The following NRXN1 variants were observed in gnomAD, a reference collection of about 807,000 sequenced individuals.
NRXN1 encodes neurexin-1.
A neutral mutation model predicts 150.9 loss-of-function variants in NRXN1; 39 were observed. The ratio of observed to expected loss-of-function variants is 0.26; its 90% CI spans 0.20 to 0.34. The LOEUF is 0.34. NRXN1 is among the 10% of genes least tolerant of loss of function. The probability of loss-of-function intolerance (pLI) is 1.00; values close to 1 mark genes in which losing one functional copy is unlikely to be tolerated. For synonymous variants in NRXN1, 924 were observed against 757.0 expected (o/e 1.22, Z -3.62); for missense variants, 1,815 against 1,949.9 (o/e 0.93, Z 1.30).
At chr2:51,002,352 T>C (rs193259770) in intron 2 of NRXN1, among the ~76,000 whole-genome samples, 30 of 152,114 alleles carry the variant, frequency 2.0e-4, no homozygotes, top group Non-Finnish European at 1.5e-4. Flanking sequence ...AAATGTTGTG[T>C]TTCTAGGAAA....
chr2:50,802,009 C>G (rs1351620366), intron 5 of NRXN1, among the ~76,000 whole-genome samples: 1 of 151,998 alleles, frequency 6.6e-6, no homozygotes, highest in African/African-American at 2.4e-5. Context: ...AAAAATTGTC[C>G]TCTTTGAGAT....
At chr2:50,703,806 G>A (rs1229895077) in intron 5 of NRXN1, among the ~76,000 whole-genome samples, 1 of 152,108 alleles carries the variant, frequency 6.6e-6, no homozygotes, top group African/African-American at 2.4e-5. Flanking sequence ...AGACAATCCT[G>A]TGAGATTCAT....
intron 5 of NRXN1, among the ~76,000 whole-genome samples, chr2:50,844,140 TCGG>T (rs1447580580): frequency 1.3e-5 from 2 of 152,090 alleles, no homozygotes; most frequent in African/African-American, 4.8e-5. Flanking sequence ...TCTTGCAAGA[TCGG>T]GTGTCTGGTG....
intron 21 of NRXN1, among the ~76,000 whole-genome samples, chr2:50,041,856 G>T (rs1691023788): frequency 4.6e-5 from 7 of 152,068 alleles, no homozygotes; most frequent in Admixed American, 4.6e-4. Context: ...AAAATGATGA[G>T]ACTCTAGTAA....
chr2:50,268,253 G>A (rs1245382707), intron 17 of NRXN1, among the ~76,000 whole-genome samples: 1 of 152,132 alleles, frequency 6.6e-6, no homozygotes, highest in Non-Finnish European at 1.5e-5. Context: ...TTTGAAAGAA[G>A]AGTTGGGCTT....
intron 17 of NRXN1, among the ~76,000 whole-genome samples, chr2:50,413,514 C>T (rs1427767424): frequency 6.6e-6 from 1 of 152,046 alleles, no homozygotes; most frequent in Non-Finnish European, 1.5e-5. Context: ...TGGCTTATAA[C>T]CAAAAGACAG....
intron 2 of NRXN1, among the ~76,000 whole-genome samples, chr2:50,996,261 C>T (rs972164811): frequency 6.6e-6 from 1 of 152,002 alleles, no homozygotes; most frequent in Admixed American, 6.6e-5. Flanking sequence ...CAAAGGTGTA[C>T]GTATCATGCT....
chr2:50,636,042 C>CT (rs1683191784), intron 5 of NRXN1, among the ~76,000 whole-genome samples: 1 of 152,038 alleles, frequency 6.6e-6, no homozygotes, highest in African/African-American at 2.4e-5. Context: ...AAAAAATCAG[C>CT]TTTTTACCAA....
At chr2:50,275,501 GA>G (rs563078155) in intron 17 of NRXN1, among the ~76,000 whole-genome samples, 1,707 of 146,732 alleles carry the variant, frequency 0.012, 30 homozygotes, top group African/African-American at 0.038. Flanking sequence ...GTTTCAGACA[GA>G]AAAAAAAAAA....
chr2:50,563,312 T>A (rs1669381214), intron 8 of NRXN1, among the ~76,000 whole-genome samples: 1 of 152,232 alleles, frequency 6.6e-6, no homozygotes, highest in African/African-American at 2.4e-5. Flanking sequence ...AATTTTATCA[T>A]ATCAGAGAAT....
chr2:50,136,733 G>A (rs553173942), intron 18 of NRXN1, among the ~76,000 whole-genome samples: 13 of 152,296 alleles, frequency 8.5e-5, no homozygotes, highest in African/African-American at 3.1e-4. Flanking sequence ...AACTAATACT[G>A]TTTTTACTAA....
intron 9 of NRXN1, among the ~76,000 whole-genome samples, chr2:50,541,233 G>A (rs2093382160): frequency 1.3e-5 from 2 of 152,154 alleles, no homozygotes; most frequent in Non-Finnish European, 2.9e-5. Context: ...AGCTCAGATG[G>A]GGAAAAAAGC....
In NRXN1 at chr2:50,347,180, G is replaced by C; in HGVS notation, c.3365-110210C>G. 1 of 1,359,738 alleles carries C rather than the reference G, an allele frequency of 7.4e-7. No homozygotes were observed. 84.2% of individuals were successfully genotyped at this position (1,359,738 alleles called of 1,614,324 possible). A position where few individuals can be genotyped will look rare whatever the true frequency, so the allele number is the denominator to read the frequency against. Reference sequence around the variant, plus strand: ...CATAGCCGAGGCGAATGCAGCTGGAGAGGGGCTTGTCCGGAAAGGCAGCCC... The same window carrying C: ...CATAGCCGAGGCGAATGCAGCTGGACAGGGGCTTGTCCGGAAAGGCAGCCC... On this transcript the variant is annotated intron_variant, in intron 17 of 22. Coordinates refer to ENST00000401669, the MANE Select transcript of NRXN1 (RefSeq NM_001330078.2). This position sits in a 1 kb window ranked among gnomAD's most constrained non-coding sequence, Gnocchi z 4.9.
chr2:50,373,690 G>GAAAGAAAGAAAGAAAGAAA (rs1558620583), intron 17 of NRXN1, among the ~76,000 whole-genome samples: 1 of 91,678 alleles, frequency 1.1e-5, no homozygotes, highest in African/African-American at 4.9e-5. Flanking sequence ...AAAGAAAGAA[G>GAAAGAAAGAAAGAAAGAAA]GAAAGAAAGA....
intron 17 of NRXN1, among the ~76,000 whole-genome samples, chr2:50,239,957 G>A (rs1385700921): frequency 6.6e-6 from 1 of 150,616 alleles, no homozygotes; most frequent in East Asian, 2.0e-4. Context: ...ATTTAGTTGG[G>A]GTACACTTCC....
intron 18 of NRXN1, among the ~76,000 whole-genome samples, chr2:50,098,863 T>TGG (rs1700630852): frequency 2.1e-4 from 4 of 18,994 alleles, no homozygotes; most frequent in African/African-American, 7.3e-4. Context: ...TTTTTTTTTT[T>TGG]TTTTTTTTTT....
At chr2:50,889,826 T>G (rs1025922262) in intron 5 of NRXN1, among the ~76,000 whole-genome samples, 1 of 151,700 alleles carries the variant, frequency 6.6e-6, no homozygotes, top group Admixed American at 6.6e-5. Flanking sequence ...GCATACAATA[T>G]ATAACCACTT....
intron 19 of NRXN1, among the ~76,000 whole-genome samples, chr2:50,086,936 T>C (rs1698874265): frequency 6.6e-6 from 1 of 152,178 alleles, no homozygotes; most frequent in South Asian, 2.1e-4. Context: ...TTGTTTATTT[T>C]CTCACATTCT....
At chr2:50,413,851 T>TA (rs1365012796) in intron 17 of NRXN1, among the ~76,000 whole-genome samples, 1 of 151,976 alleles carries the variant, frequency 6.6e-6, no homozygotes, top group Non-Finnish European at 1.5e-5. Context: ...TGTTCAGACA[T>TA]AAAAAAATGA....
Sources: gnomAD v4.1 joint callset for allele counts (sites outside exome capture counted in the v4.1 genomes callset) on GRCh38, gnomAD v4.1.1 for gene constraint, Gnocchi (gnomAD v3.1) non-coding constraint, MANE v1.5 for transcripts, NCBI Gene and HGNC (gene_info 2026-07-23, HGNC 2026-07-21) for gene names.